Variants in F11 observed in about 807,000 individuals in gnomAD.
The protein encoded by F11 is coagulation factor XI.
In F11, 78 loss-of-function variants were observed where a neutral mutation model predicts 76.5. The ratio of observed to expected loss-of-function variants is 1.02; its 90% CI spans 0.85 to 1.23. The LOEUF (loss-of-function observed/expected upper bound fraction) is 1.23. Ranked by LOEUF, F11 falls within the 50% of genes most tolerant of loss-of-function variation. The probability of loss-of-function intolerance (pLI) is 0.00; values close to 1 mark genes in which losing one functional copy is unlikely to be tolerated. For synonymous variants in F11, 278 were observed against 276.3 expected, an observed-to-expected ratio of 1.01 and a Z score of -0.06; for missense variants, 742 against 771.4, an observed-to-expected ratio of 0.96 and a Z score of 0.45.
Position 186,289,299 on chromosome 4 carries a change from T to C in F11, c.*685T>C, listed in dbSNP as rs1741429472. Among the ~76,000 whole-genome samples the C allele has an allele frequency of 6.6e-6, 1 of 152,222 alleles. No homozygotes were observed. The highest frequency in any genetic ancestry group is 1.5e-5 in the Non-Finnish European group (1 of 68,040). The stretch of plus-strand genomic sequence containing the variant: ...GGGCAATCTTGAAGATACACTTTCC[T>C]GAAAAATGATTTGTGATGGATTGTA... On this transcript the variant is annotated 3_prime_UTR_variant, in exon 15 of 15. Coordinates refer to ENST00000403665, the MANE Select transcript of F11 (RefSeq NM_000128.4).
At position 186,285,315 on chromosome 4, in the gene F11, C is replaced by T. The variant is rs529253135; in HGVS notation, c.1305-323C>T. ...CTGGCGAGATTGAGACTGAGTCCAG[C>T]GGTCTTCGTGTGTGTGTGTGCGTGT... On this transcript the variant is annotated intron_variant, in intron 11 of 14. Transcript: ENST00000403665. 5.3e-5 allele frequency among the ~76,000 whole-genome samples: 8 copies of T among 151,630 alleles called. No homozygotes were observed. In the East Asian group the frequency reaches 1.4e-3, roughly 26 times the overall value.
intron 7 of F11, among the ~76,000 whole-genome samples, chr4:186,278,215 C>A (rs369259858): frequency 6.6e-6 from 1 of 152,074 alleles, no homozygotes; most frequent in Non-Finnish European, 1.5e-5. Context: ...GAGCCCTCAG[C>A]ACTTGCCTGA....
chr4:186,274,140 A>T lies in F11; in HGVS notation c.350A>T (p.Asp117Val), dbSNP rs1424438515. The T allele has an allele frequency of 6.2e-7, 1 of 1,614,166 alleles. No individual in the cohort carries two copies. Among genetic ancestry groups the T allele is most frequent in the Non-Finnish European group, 8.5e-7 (1 of 1,180,024 alleles). ...ISACNKDIYV[D>V]LDMKGINYNS... ...GCTTGCAACAAAGACATTTATGTGG[A>T]CCTAGACATGAAGGGCATAAACTAT... Residue 117 changes from aspartate to valine, a missense_variant, in exon 5 of 15, where the codon GAC (aspartate) becomes GTC (valine). Physicochemically the swap from Asp to Val is radical, Grantham distance 152. Transcript: ENST00000403665.
At chr4:186,283,069 T>C in intron 10 of F11, 4 of 981,874 alleles carry the variant, frequency 4.1e-6, no homozygotes, top group Non-Finnish European at 4.8e-6. Flanking sequence ...AAATGTGATC[T>C]GGGCACAGCA....
chr4:186,284,142 C>A lies in F11; in HGVS notation c.1186C>A (p.Arg396Ser). Residue 396 changes from arginine to serine, a missense_variant, in exon 11 of 15, where the codon CGT becomes AGT. Coordinates refer to ENST00000403665, the MANE Select transcript of F11 (RefSeq NM_000128.4). ...GATCGTTGGAGGAACTGCGTCTGTT[C>A]GTGGTGAGTGGCCGTGGCAGGTGAC... ...PRIVGGTASV[R>S]GEWPWQVTLH... 1.2e-6 allele frequency: 2 copies of A among 1,614,194 alleles called. No homozygotes were observed. Among genetic ancestry groups the A allele is most frequent in the Non-Finnish European group, 1.7e-6 (2 of 1,180,046 alleles).
rs757230548 is a variant in F11 at position 186,285,741 on chromosome 4, G to A, written c.1408G>A (p.Asp470Asn). Residue 470 changes from aspartate (D) to asparagine (N), a missense_variant, in exon 12 of 15, where the codon GAT becomes AAT. By Grantham distance (23) the Asp-to-Asn change is conservative (BLOSUM62 1). Transcript: ENST00000403665. ...FFGVQEIIIHDQYKMAESGYD... is the reference protein window; with the variant it reads ...FFGVQEIIIHNQYKMAESGYD... Reference sequence around the variant, plus strand: ...TGGGGTTCAAGAAATAATAATCCATGATCAGTATAAAATGGCAGAAAGCGG... The same window carrying A: ...TGGGGTTCAAGAAATAATAATCCATAATCAGTATAAAATGGCAGAAAGCGG... 1.2e-6 allele frequency: 2 copies of A among 1,614,126 alleles called. No homozygotes were observed. The highest frequency in any genetic ancestry group is 1.1e-5 in the South Asian group (1 of 91,088).
At chr4:186,282,266 G>C (rs1196403897) in intron 10 of F11, 1 of 985,314 alleles carries the variant, frequency 1.0e-6, no homozygotes, top group East Asian at 1.1e-4. Flanking sequence ...AGAAGTTACA[G>C]AATATGCCAG....
rs1490788196 is a variant in F11, at chr4:186,285,283, C to T, written c.1305-355C>T. On this transcript the variant is annotated intron_variant, in intron 11 of 14. Coordinates refer to ENST00000403665, the MANE Select transcript of F11 (RefSeq NM_000128.4). ...GCAGAAAGCCTAGTTTCTGTCACAG[C>T]TAGTTACTGGCGAGATTGAGACTGA... Among the ~76,000 whole-genome samples the T allele has an allele frequency of 2.6e-5, 4 of 152,064 alleles. No homozygotes were observed. In the East Asian group the frequency reaches 7.7e-4, roughly 29 times the overall value.
At chr4:186,284,402 G>A (rs910281639) in intron 11 of F11, 142 bp downstream of exon 11, 21 of 884,362 alleles carry the variant, frequency 2.4e-5, no homozygotes, top group Admixed American at 2.0e-4. Flanking sequence ...GGTAAAAAAC[G>A]CAAAAAGGAA....
chr4:186,282,723 T>C (rs1056986064), intron 10 of F11: 1 of 985,200 alleles, frequency 1.0e-6, no homozygotes, highest in African/African-American at 1.7e-5. Flanking sequence ...TAGATGGCCC[T>C]CCAAAATGAA....
chr4:186,277,816 T>C (rs913689445), intron 7 of F11, among the ~76,000 whole-genome samples: 11 of 152,242 alleles, frequency 7.2e-5, no homozygotes, highest in Non-Finnish European at 1.6e-4. Flanking sequence ...TTTATTTATT[T>C]GAGACAGGGT....
chr4:186,284,361 C>T, intron 11 of F11, 101 bp downstream of exon 11: 2 of 1,203,156 alleles, frequency 1.7e-6, no homozygotes, highest in Non-Finnish European at 2.4e-6. Flanking sequence ...ATTAGATTGT[C>T]TTATTTGCAA....
intron 3 of F11, among the ~76,000 whole-genome samples, chr4:186,272,121 T>C (rs1004281715): frequency 2.4e-4 from 36 of 152,078 alleles, no homozygotes; most frequent in Admixed American, 1.3e-3. Context: ...CTCCCAACTA[T>C]TTTATTAGAA....
intron 10 of F11, chr4:186,282,183 C>T (rs1425537440): frequency 2.8e-6 from 3 of 1,075,548 alleles, no homozygotes; most frequent in East Asian, 6.2e-5. Context: ...TACCTCAATA[C>T]ATTGCAGACT....
Position 186,288,623 on chromosome 4 carries a change from C to T in F11, c.*9C>T, listed in dbSNP as rs1580110710. On this transcript the variant is annotated 3_prime_UTR_variant, in exon 15 of 15. Transcript: ENST00000403665. ...AAACTCAAGCAGTGTGAATGGGTTCCCAGGGGCCATTGGAGTCCCTGAAGG... is the reference window on the plus strand; with the variant it reads ...AAACTCAAGCAGTGTGAATGGGTTCTCAGGGGCCATTGGAGTCCCTGAAGG... The T allele has an allele frequency of 3.7e-6, 6 of 1,612,686 alleles. 2 individuals carry two copies. The Admixed American group carries it at 1.0e-4, about 27-fold the overall frequency.
At chr4:186,287,592 AT>A (rs1478399087) in intron 13 of F11, 91 bp from the exon 14 acceptor site, 37 of 250,390 alleles carry the variant, frequency 1.5e-4, no homozygotes, top group African/African-American at 2.7e-4. Context: ...TCAATTAAAA[AT>A]ATATATATAT....
chr4:186,286,403 T>C lies in F11; in HGVS notation c.1481-12T>C. On this transcript the variant is annotated splice_polypyrimidine_tract_variant and intron_variant, in intron 12 of 14. Transcript: ENST00000403665. ...TGCGTCTCATATTTAAACCACGATT[T>C]TTTAAATTTAGATTCTCAACGACCC... The C allele has an allele frequency of 3.1e-6, 5 of 1,611,458 alleles. No homozygotes were observed. The East Asian group carries it at 1.1e-4, about 36-fold the overall frequency.
intron 7 of F11, among the ~76,000 whole-genome samples, chr4:186,276,877 C>T (rs1233732783): frequency 6.6e-6 from 1 of 152,102 alleles, no homozygotes; most frequent in African/African-American, 2.4e-5. Context: ...GGTTGGGCCA[C>T]CGTGCCCGGC....
intron 2 of F11, among the ~76,000 whole-genome samples, chr4:186,271,043 G>A (rs1381888517): frequency 1.3e-5 from 2 of 152,058 alleles, no homozygotes; most frequent in African/African-American, 4.8e-5. Context: ...TGATTCATCA[G>A]TTAATATTCT....
Sources: gnomAD v4.1 joint callset for allele counts (sites outside exome capture counted in the v4.1 genomes callset) on GRCh38, gnomAD v4.1.1 for gene constraint, MANE v1.5 for transcripts, NCBI Gene and HGNC (gene_info 2026-07-23, HGNC 2026-07-21) for gene names.